The following ATXN1 variants were observed in gnomAD, a reference collection of about 807,000 sequenced individuals.
The protein encoded by ATXN1 is ataxin 1.
In ATXN1, 8 loss-of-function variants were observed where a neutral mutation model predicts 56.4. That is an observed-to-expected ratio of 0.14 (90% CI 0.08 to 0.26). The LOEUF (loss-of-function observed/expected upper bound fraction) is 0.26. Ranked by LOEUF, ATXN1 falls within the 10% of genes least tolerant of loss-of-function variation. The probability of loss-of-function intolerance (pLI) is 1.00; values close to 1 mark genes in which losing one functional copy is unlikely to be tolerated. For missense variants in ATXN1, 987 were observed against 1,106.5 expected, an observed-to-expected ratio of 0.89 and a Z score of 1.53; for synonymous variants, 514 against 494.6, an observed-to-expected ratio of 1.04 and a Z score of -0.52.
rs533821428 is a variant in ATXN1, at chr6:16,586,847, C to T, written c.-488-940G>A. ...CATCCTGGCCAACATGGTGTAACCC[C>T]ATCTCTACTAAAAATACAAAAATTA... is the stretch of plus-strand genomic sequence containing the variant. On this transcript the variant is annotated intron_variant, in intron 3 of 7. Coordinates refer to ENST00000436367, the MANE Select transcript of ATXN1 (RefSeq NM_001128164.2). 3.3e-5 allele frequency among the ~76,000 whole-genome samples: 5 copies of T among 152,186 alleles called. No homozygotes were observed. In the East Asian group the frequency reaches 7.7e-4, roughly 23 times the overall value.
At chr6:16,310,724 T>C (rs1200904906) in intron 7 of ATXN1, among the ~76,000 whole-genome samples, 2 of 152,168 alleles carry the variant, frequency 1.3e-5, no homozygotes, top group Non-Finnish European at 2.9e-5. Context: ...CCTGACCTCA[T>C]GATCCACCCG....
intron 6 of ATXN1, among the ~76,000 whole-genome samples, chr6:16,369,346 C>G (rs1036972104): frequency 6.6e-6 from 1 of 152,196 alleles, no homozygotes; most frequent in Non-Finnish European, 1.5e-5. Flanking sequence ...TTCCCTCCTT[C>G]GTACCTCCAC....
chr6:16,533,129 C>A (rs891782665), intron 4 of ATXN1, among the ~76,000 whole-genome samples: 1 of 152,142 alleles, frequency 6.6e-6, no homozygotes, highest in Non-Finnish European at 1.5e-5. Flanking sequence ...GAAGATGGAT[C>A]GTGGTGATGA....
chr6:16,348,392 T>C (rs1761485024), intron 6 of ATXN1, among the ~76,000 whole-genome samples: 1 of 152,122 alleles, frequency 6.6e-6, no homozygotes. Flanking sequence ...TTTGATTTCC[T>C]CTTTAAGAAA....
chr6:16,400,319 C>T (rs554664825), intron 6 of ATXN1, among the ~76,000 whole-genome samples: 63 of 152,366 alleles, frequency 4.1e-4, no homozygotes, highest in African/African-American at 1.5e-3. Flanking sequence ...CCCTGTTTCT[C>T]CTACAGCCCT....
intron 6 of ATXN1, among the ~76,000 whole-genome samples, chr6:16,438,948 A>G (rs1759447749): frequency 6.6e-6 from 1 of 152,234 alleles, no homozygotes; most frequent in South Asian, 2.1e-4. Context: ...TCTCTTGTGT[A>G]AGATGGGAAT....
intron 6 of ATXN1, among the ~76,000 whole-genome samples, chr6:16,368,502 G>A (rs940814227): frequency 1.3e-5 from 2 of 151,552 alleles, no homozygotes; most frequent in African/African-American, 2.4e-5. Context: ...AAGCAGAGTT[G>A]GCAAATTAAT....
At position 16,653,373 on chromosome 6, in the gene ATXN1, C is replaced by G. The variant is rs142541099; in HGVS notation, c.-489+4403G>C. On this transcript the variant is annotated intron_variant, in intron 3 of 7. Coordinates refer to ENST00000436367, the MANE Select transcript of ATXN1 (RefSeq NM_001128164.2). ...CTGTAGGTGCTTTGATGTGCGTCCA[C>G]TAGAGCTAAACTTGATCCTTTTCAG... Among the ~76,000 whole-genome samples the G allele has an allele frequency of 2.6e-5, 4 of 152,376 alleles. No individual in the cohort carries two copies. In the East Asian group the frequency reaches 7.7e-4, roughly 29 times the overall value.
chr6:16,595,021 G>T (rs1460684917), intron 3 of ATXN1, among the ~76,000 whole-genome samples: 1 of 152,166 alleles, frequency 6.6e-6, no homozygotes, highest in Non-Finnish European at 1.5e-5. Flanking sequence ...AAGCAAGGTG[G>T]ATACCAAAAG....
chr6:16,385,320 A>C (rs1319955717), intron 6 of ATXN1, among the ~76,000 whole-genome samples: 2 of 152,218 alleles, frequency 1.3e-5, no homozygotes, highest in African/African-American at 4.8e-5. Context: ...AGAGTAGAAG[A>C]TGGATGAGAA....
At chr6:16,582,005 C>G (rs1478675376) in intron 4 of ATXN1, among the ~76,000 whole-genome samples, 1 of 152,204 alleles carries the variant, frequency 6.6e-6, no homozygotes, top group Non-Finnish European at 1.5e-5. Flanking sequence ...GCCCGATGAT[C>G]TTTACTGGCC....
chr6:16,749,873 C>T (rs757180831), intron 2 of ATXN1: 6 of 152,368 alleles, frequency 3.9e-5, no homozygotes, highest in East Asian at 1.9e-4. Flanking sequence ...CTTGACCTCT[C>T]GGCAGTTTTA....
At chr6:16,659,639 T>A (rs1199332036) in intron 2 of ATXN1, among the ~76,000 whole-genome samples, 6 of 152,362 alleles carry the variant, frequency 3.9e-5, no homozygotes, top group Middle Eastern at 3.4e-3. Context: ...GTACTTTGAC[T>A]GGATTCTGGG....
At chr6:16,556,088 T>C (rs1348493687) in intron 4 of ATXN1, among the ~76,000 whole-genome samples, 1 of 152,270 alleles carries the variant, frequency 6.6e-6, no homozygotes, top group Non-Finnish European at 1.5e-5. Context: ...TTTGGAACTC[T>C]GTATTATTAT....
chr6:16,595,453 C>T (rs774070933), intron 3 of ATXN1, among the ~76,000 whole-genome samples: 7 of 152,164 alleles, frequency 4.6e-5, no homozygotes, highest in Non-Finnish European at 8.8e-5. Context: ...GAAGAGACAA[C>T]GATAAAACGG....
At chr6:16,504,205 T>C (rs963388223) in intron 5 of ATXN1, among the ~76,000 whole-genome samples, 1 of 152,164 alleles carries the variant, frequency 6.6e-6, no homozygotes, top group Admixed American at 6.5e-5. Flanking sequence ...AAAATGAATT[T>C]CCTGGATAAT....
intron 6 of ATXN1, among the ~76,000 whole-genome samples, chr6:16,461,565 C>T (rs1388090616): frequency 6.6e-6 from 1 of 152,176 alleles, no homozygotes; most frequent in East Asian, 1.9e-4. Context: ...ATGCCTAAGT[C>T]AAGGGGATTT....
intron 6 of ATXN1, among the ~76,000 whole-genome samples, chr6:16,396,378 G>A (rs866386828): frequency 2.1e-4 from 32 of 152,034 alleles, no homozygotes; most frequent in Admixed American, 3.9e-4. Context: ...CCGGGTGCGC[G>A]AAACCAGCCT....
At chr6:16,693,906 C>T (rs569581277) in intron 2 of ATXN1, among the ~76,000 whole-genome samples, 4 of 152,262 alleles carry the variant, frequency 2.6e-5, no homozygotes, top group African/African-American at 9.6e-5. Flanking sequence ...ATACAGTCCA[C>T]CCTAGGGTAG....
Sources: gnomAD v4.1 joint callset for allele counts (sites outside exome capture counted in the v4.1 genomes callset) on GRCh38, gnomAD v4.1.1 for gene constraint, MANE v1.5 for transcripts, NCBI Gene and HGNC (gene_info 2026-07-23, HGNC 2026-07-21) for gene names.